RANBP17: variants seen among roughly 807,000 people sequenced by gnomAD.
The protein encoded by RANBP17 is RAN binding protein 17.
RANBP17 carries 158 observed loss-of-function variants against 141.2 expected under a neutral mutation model. The ratio of observed to expected loss-of-function variants is 1.12; its 90% CI spans 0.98 to 1.28. The LOEUF (loss-of-function observed/expected upper bound fraction) is 1.28, where lower values mean the gene tolerates loss of function less well. Among genes scored for constraint, RANBP17 ranks in the 50% most tolerant of loss-of-function variants. The probability of loss-of-function intolerance (pLI) is 0.00; values close to 1 mark genes in which losing one functional copy is unlikely to be tolerated. For synonymous variants in RANBP17, 430 were observed against 450.0 expected, an observed-to-expected ratio of 0.96 and a Z score of 0.56; for missense variants, 1,438 against 1,290.7, an observed-to-expected ratio of 1.11 and a Z score of -1.75.
rs189676867 is a variant in RANBP17 at position 171,208,922 on chromosome 5, G to T, written c.2231+3310G>T. Among the ~76,000 whole-genome samples the T allele has an allele frequency of 7.9e-5, 12 of 152,338 alleles. No individual in the cohort carries two copies. In the East Asian group the frequency reaches 1.9e-3, roughly 24 times the overall value. ...TTAGTTCTGTTCCCTGATACATAAT[G>T]AGACAAAGGAATCCCATTTGCTCAC... On this transcript the variant is annotated intron_variant, in intron 20 of 27. Coordinates refer to ENST00000523189, the MANE Select transcript of RANBP17 (RefSeq NM_022897.5).
At chr5:171,027,533 C>A (rs183848969) in intron 14 of RANBP17, among the ~76,000 whole-genome samples, 1 of 151,714 alleles carries the variant, frequency 6.6e-6, no homozygotes, top group Non-Finnish European at 1.5e-5. Context: ...AGAAACTCAT[C>A]GATTTGTATA....
At chr5:171,089,802 T>A (rs540191245) in intron 14 of RANBP17, among the ~76,000 whole-genome samples, 3 of 152,300 alleles carry the variant, frequency 2.0e-5, no homozygotes, top group Admixed American at 6.5e-5. Context: ...AGGCAATGCC[T>A]CGCCCTGCTT....
At chr5:171,170,504 TA>T (rs1409605632) in intron 15 of RANBP17, among the ~76,000 whole-genome samples, 1 of 152,022 alleles carries the variant, frequency 6.6e-6, no homozygotes, top group Non-Finnish European at 1.5e-5. Flanking sequence ...CATTTTTTTT[TA>T]TTTAAAAAGA....
chr5:170,868,753 A>G (rs764002699), intron 1 of RANBP17, among the ~76,000 whole-genome samples: 1 of 152,238 alleles, frequency 6.6e-6, no homozygotes, highest in African/African-American at 2.4e-5. Context: ...GACCATTCTC[A>G]TATTAATCAT....
intron 1 of RANBP17, chr5:170,867,176 C>G (rs1220860446): frequency 6.6e-6 from 1 of 151,832 alleles, no homozygotes; most frequent in African/African-American, 2.4e-5. Flanking sequence ...ATCTCCAGGT[C>G]GATGATGATG....
intron 14 of RANBP17, among the ~76,000 whole-genome samples, chr5:171,010,714 A>G (rs1425866767): frequency 2.6e-5 from 4 of 152,168 alleles, no homozygotes; most frequent in Non-Finnish European, 4.4e-5. Context: ...CAGGAATGAA[A>G]GAGGGTACAT....
chr5:171,216,167 T>C (rs55780325), intron 21 of RANBP17, among the ~76,000 whole-genome samples: 20,043 of 152,150 alleles, frequency 0.13, 1,503 homozygotes, highest in East Asian at 0.16. Flanking sequence ...AGATTTTTTC[T>C]CCATTGGTTG....
intron 18 of RANBP17, among the ~76,000 whole-genome samples, chr5:171,185,276 A>G (rs1044205834): frequency 5.3e-5 from 8 of 152,210 alleles, no homozygotes; most frequent in Non-Finnish European, 1.0e-4. Flanking sequence ...CTCGATATTG[A>G]TGGCTGCTGA....
intron 18 of RANBP17, among the ~76,000 whole-genome samples, chr5:171,194,312 A>G (rs756240938): frequency 1.3e-5 from 2 of 152,166 alleles, no homozygotes; most frequent in African/African-American, 4.8e-5. Context: ...ATCTAATTCT[A>G]TAACATTTTC....
At chr5:171,236,989 G>A (rs1205415341) in intron 22 of RANBP17, among the ~76,000 whole-genome samples, 2 of 152,068 alleles carry the variant, frequency 1.3e-5, no homozygotes, top group African/African-American at 4.8e-5. Context: ...TCTTCTTTGG[G>A]TAATGGGAGT....
chr5:171,247,456 T>C (rs1765275479), intron 24 of RANBP17, among the ~76,000 whole-genome samples: 1 of 152,222 alleles, frequency 6.6e-6, no homozygotes, highest in African/African-American at 2.4e-5. Context: ...TTGTTTGGAC[T>C]ACAGGCAGGT....
chr5:171,063,919 C>G (rs1000478533), intron 14 of RANBP17, among the ~76,000 whole-genome samples: 1 of 152,242 alleles, frequency 6.6e-6, no homozygotes, highest in Non-Finnish European at 1.5e-5. Context: ...TCTCAGACTG[C>G]TGTGCTAGCA....
intron 1 of RANBP17, among the ~76,000 whole-genome samples, chr5:170,874,974 C>T (rs1164666019): frequency 6.6e-6 from 1 of 152,048 alleles, no homozygotes; most frequent in Non-Finnish European, 1.5e-5. Flanking sequence ...ACCAGTTTTT[C>T]CTTTCCATAT....
At chr5:171,057,104 G>A (rs1330250277) in intron 14 of RANBP17, among the ~76,000 whole-genome samples, 1 of 152,050 alleles carries the variant, frequency 6.6e-6, no homozygotes, top group Non-Finnish European at 1.5e-5. Flanking sequence ...ACCTTTTATA[G>A]CCTTTTACAG....
intron 14 of RANBP17, among the ~76,000 whole-genome samples, chr5:171,078,242 C>T (rs1242194398): frequency 4.0e-5 from 6 of 149,626 alleles, no homozygotes; most frequent in African/African-American, 7.4e-5. Flanking sequence ...AAGTGATTTT[C>T]GAGTCTCACT....
intron 14 of RANBP17, among the ~76,000 whole-genome samples, chr5:170,974,347 G>A (rs183152985): frequency 3.5e-4 from 53 of 152,280 alleles, no homozygotes; most frequent in Admixed American, 1.5e-3. Flanking sequence ...TCTTGAACAC[G>A]TCCAAAACTT....
intron 25 of RANBP17, among the ~76,000 whole-genome samples, chr5:171,289,507 G>T (rs995621019): frequency 6.6e-6 from 1 of 152,154 alleles, no homozygotes; most frequent in Admixed American, 6.5e-5. Flanking sequence ...GGAGGCTGAG[G>T]GGGGAGGATT....
At chr5:170,940,218 G>T (rs991865706) in intron 12 of RANBP17, among the ~76,000 whole-genome samples, 3 of 152,110 alleles carry the variant, frequency 2.0e-5, no homozygotes, top group Non-Finnish European at 1.5e-5. Context: ...AAATATGAAC[G>T]TATAGGAGGC....
chr5:171,033,927 T>C (rs894125268), intron 14 of RANBP17, among the ~76,000 whole-genome samples: 5 of 152,046 alleles, frequency 3.3e-5, no homozygotes, highest in Non-Finnish European at 5.9e-5. Flanking sequence ...GGCAACATAG[T>C]GAGGCTCTGT....
Sources: allele counts gnomAD v4.1 joint callset (sites outside exome capture counted in the v4.1 genomes callset), GRCh38; gene constraint gnomAD v4.1.1; transcripts MANE v1.5; gene names NCBI Gene and HGNC (gene_info 2026-07-23, HGNC 2026-07-21).